MACROD2: variants seen among roughly 807,000 people sequenced by gnomAD.
MACROD2 encodes mono-ADP ribosylhydrolase 2, also known as ADP-ribose glycohydrolase MACROD2.
MACROD2 carries 36 observed loss-of-function variants against 70.4 expected under a neutral mutation model. The observed-to-expected ratio is 0.51, with a 90% confidence interval of 0.39 to 0.68. The LOEUF (loss-of-function observed/expected upper bound fraction) is 0.68. MACROD2 is among the 30% of genes least tolerant of loss of function. MACROD2 has a pLI of 0.00. For missense variants in MACROD2, 496 were observed against 538.4 expected (o/e 0.92, Z 0.78); for synonymous variants, 172 against 178.8 (o/e 0.96, Z 0.30).
intron 8 of MACROD2, among the ~76,000 whole-genome samples, chr20:15,852,377 A>G (rs2064309098): frequency 1.3e-5 from 2 of 152,346 alleles, no homozygotes; most frequent in African/African-American, 4.8e-5. Context: ...GCCCCCCAAA[A>G]TAAAGGATCC....
At chr20:15,494,370 A>G (rs1234622216) in intron 7 of MACROD2, among the ~76,000 whole-genome samples, 8 of 152,188 alleles carry the variant, frequency 5.3e-5, no homozygotes, top group Admixed American at 5.2e-4. Flanking sequence ...CAAGACATGT[A>G]TGAGAATGTT....
At chr20:16,049,669 C>T (rs1302573599) in intron 17 of MACROD2, among the ~76,000 whole-genome samples, 161 bp from the exon 18 acceptor site, 1 of 152,176 alleles carries the variant, frequency 6.6e-6, no homozygotes, top group African/African-American at 2.4e-5. Flanking sequence ...CCAGCAATTA[C>T]AGTTCAGACA....
intron 5 of MACROD2, among the ~76,000 whole-genome samples, chr20:14,882,669 T>C (rs1341381476): frequency 6.6e-6 from 1 of 152,178 alleles, no homozygotes; most frequent in African/African-American, 2.4e-5. Context: ...ATAAGATCAT[T>C]CTAAAGAAGC....
intron 3 of MACROD2, among the ~76,000 whole-genome samples, chr20:14,432,010 A>G (rs567811355): frequency 6.6e-6 from 1 of 152,268 alleles, no homozygotes; most frequent in South Asian, 2.1e-4. Context: ...GTTGTAAGAG[A>G]AAATTATTTG....
At chr20:14,175,041 T>A (rs1247719083) in intron 3 of MACROD2, among the ~76,000 whole-genome samples, 1 of 152,164 alleles carries the variant, frequency 6.6e-6, no homozygotes, top group Non-Finnish European at 1.5e-5. Context: ...CAGCTGTCTC[T>A]TGGGGCCTGC....
chr20:15,563,615 T>C (rs1471388070), intron 8 of MACROD2, among the ~76,000 whole-genome samples: 2 of 152,198 alleles, frequency 1.3e-5, no homozygotes, highest in African/African-American at 4.8e-5. Flanking sequence ...GAAAAATCTC[T>C]TTTTTAAGTT....
chr20:15,383,665 C>A (rs140304717), intron 6 of MACROD2, among the ~76,000 whole-genome samples: 2 of 152,312 alleles, frequency 1.3e-5, no homozygotes, highest in South Asian at 2.1e-4. Flanking sequence ...TGCAGCCTTG[C>A]AGCATTGATC....
chr20:14,251,645 G>A (rs879029576), intron 3 of MACROD2, among the ~76,000 whole-genome samples: 1 of 152,088 alleles, frequency 6.6e-6, no homozygotes, highest in Non-Finnish European at 1.5e-5. Flanking sequence ...TGCTAAAAAT[G>A]TCTGCCTCTG....
chr20:15,613,081 T>A (rs143383114), intron 8 of MACROD2, among the ~76,000 whole-genome samples: 95 of 152,342 alleles, frequency 6.2e-4, no homozygotes, highest in Non-Finnish European at 4.4e-4. Flanking sequence ...CAGGTTAAAA[T>A]GAATATGTTA....
At chr20:14,133,284 T>C (rs1441450797) in intron 3 of MACROD2, among the ~76,000 whole-genome samples, 1 of 152,214 alleles carries the variant, frequency 6.6e-6, no homozygotes, top group Non-Finnish European at 1.5e-5. Context: ...ATCAGGAACC[T>C]AGGCTAATTT....
chr20:15,599,390 C>CA lies in MACROD2; in HGVS notation c.645+99553dup, dbSNP rs963395298. Among the ~76,000 whole-genome samples, 77 of 147,294 alleles carry CA rather than the reference C, an allele frequency of 5.2e-4. 1 individual carries two copies. Among genetic ancestry groups the CA allele is most frequent in the East Asian group, 3.2e-3 (16 of 5,032 alleles). ...CTGGCGACAGAGCAAGACTCTGTCT[C>CA]AAAAAAAAAAGTGTTTAAACTGAAA... On this transcript the variant is annotated intron_variant, in intron 8 of 17. Coordinates refer to ENST00000684519, the MANE Select transcript of MACROD2 (RefSeq NM_001351661.2).
At chr20:14,641,703 GA>G (rs985153559) in intron 4 of MACROD2, among the ~76,000 whole-genome samples, 1 of 152,066 alleles carries the variant, frequency 6.6e-6, no homozygotes, top group Non-Finnish European at 1.5e-5. Context: ...GTAATGTTTT[GA>G]AAAAAATCTT....
chr20:14,358,489 A>G (rs966152394), intron 3 of MACROD2, among the ~76,000 whole-genome samples: 1 of 151,572 alleles, frequency 6.6e-6, no homozygotes, highest in African/African-American at 2.4e-5. Context: ...ATGGAGTCTC[A>G]CTCTGTTGCC....
chr20:14,018,364 G>A (rs927104653), intron 2 of MACROD2, among the ~76,000 whole-genome samples: 10 of 151,488 alleles, frequency 6.6e-5, no homozygotes, highest in Non-Finnish European at 8.8e-5. Flanking sequence ...GTAAAGTTAC[G>A]CTGTTGAAAT....
intron 5 of MACROD2, among the ~76,000 whole-genome samples, chr20:15,096,572 C>T (rs149593197): frequency 0.046 from 6,869 of 150,476 alleles, 231 homozygotes; most frequent in Middle Eastern, 0.067. Flanking sequence ...AGTACAGTGG[C>T]GTGATCTTGG....
At chr20:15,646,898 A>C (rs1050779921) in intron 8 of MACROD2, among the ~76,000 whole-genome samples, 1 of 152,242 alleles carries the variant, frequency 6.6e-6, no homozygotes, top group East Asian at 1.9e-4. Flanking sequence ...AGTTCTTTAC[A>C]GTAGCGTGAA....
At chr20:15,845,102 C>T (rs1231718085) in intron 8 of MACROD2, among the ~76,000 whole-genome samples, 2 of 151,946 alleles carry the variant, frequency 1.3e-5, no homozygotes, top group Non-Finnish European at 2.9e-5. Flanking sequence ...AGAGTGTGTT[C>T]CCCCTAAATT....
At chr20:14,482,431 C>A (rs1600286716) in intron 3 of MACROD2, among the ~76,000 whole-genome samples, 1 of 150,090 alleles carries the variant, frequency 6.7e-6, no homozygotes, top group South Asian at 2.1e-4. Context: ...ACTCTATATT[C>A]CTTACTATAT....
At chr20:14,937,116 G>A (rs907655740) in intron 5 of MACROD2, among the ~76,000 whole-genome samples, 1 of 152,136 alleles carries the variant, frequency 6.6e-6, no homozygotes, top group Non-Finnish European at 1.5e-5. Flanking sequence ...CCAAGCCAGT[G>A]TGGGAGGTCA....
Sources: allele counts gnomAD v4.1 joint callset (sites outside exome capture counted in the v4.1 genomes callset), GRCh38; gene constraint gnomAD v4.1.1; transcripts MANE v1.5; gene names NCBI Gene and HGNC (gene_info 2026-07-23, HGNC 2026-07-21).